Variants in MED15 observed in about 807,000 individuals in gnomAD.
MED15 encodes mediator of RNA polymerase II transcription subunit 15.
A neutral mutation model predicts 118.7 loss-of-function variants in MED15; 41 were observed. The observed-to-expected ratio is 0.35, with a 90% CI of 0.27 to 0.45. The LOEUF is 0.45. MED15 is among the 20% of genes least tolerant of loss of function. The pLI, the probability that MED15 is intolerant of heterozygous loss-of-function variation, is 1.00. For synonymous variants in MED15, 436 were observed against 413.9 expected (o/e 1.05, Z -0.65); for missense variants, 740 against 1,025.5 (o/e 0.72, Z 3.80).
intron 9 of MED15, among the ~76,000 whole-genome samples, chr22:20,581,415 G>C (rs950143079): frequency 6.6e-6 from 1 of 152,190 alleles, no homozygotes; most frequent in Admixed American, 6.5e-5. Flanking sequence ...AAGTGCTTGG[G>C]GGGTGGTGTG....
intron 1 of MED15, among the ~76,000 whole-genome samples, chr22:20,528,060 A>G (rs896240224): frequency 2.6e-5 from 4 of 151,966 alleles, no homozygotes; most frequent in African/African-American, 9.7e-5. Flanking sequence ...CACCTGGCCT[A>G]ATAAATTCTA....
At chr22:20,548,304 G>A (rs1463823291) in intron 2 of MED15, among the ~76,000 whole-genome samples, 8 of 152,084 alleles carry the variant, frequency 5.3e-5, no homozygotes, top group East Asian at 1.9e-4. Context: ...TGGGATTACC[G>A]GCATGCGCCA....
At position 20,580,646 on chromosome 22, in the gene MED15, C is replaced by T. The variant is rs557209934; in HGVS notation, c.1273-1965C>T. Among the ~76,000 whole-genome samples the T allele has an allele frequency of 4.6e-5, 7 of 152,232 alleles. No homozygotes were observed. In the East Asian group the frequency reaches 5.8e-4, roughly 13 times the overall value. On this transcript the variant is annotated intron_variant, in intron 9 of 17. Coordinates refer to ENST00000263205, the MANE Select transcript of MED15 (RefSeq NM_001003891.3). ...GTCTTTGCTTCCCACTCCTCGGTGC[C>T]GTCTGTGGTTCTCTGTATGGAATTT...
intron 17 of MED15, among the ~76,000 whole-genome samples, 177 bp from the exon 18 acceptor site, chr22:20,586,391 C>G (rs1303185903): frequency 1.3e-5 from 2 of 152,234 alleles, no homozygotes; most frequent in Non-Finnish European, 2.9e-5. Context: ...AGATTTGGTT[C>G]TCACTGACGA....
At chr22:20,580,246 C>T (rs1394966425) in intron 9 of MED15, among the ~76,000 whole-genome samples, 4 of 152,122 alleles carry the variant, frequency 2.6e-5, no homozygotes, top group South Asian at 2.1e-4. Flanking sequence ...GTGAGATTGC[C>T]GCTTCAGGGC....
chr22:20,542,506 C>T (rs1384547862), intron 2 of MED15, among the ~76,000 whole-genome samples: 3 of 152,090 alleles, frequency 2.0e-5, no homozygotes, highest in South Asian at 2.1e-4. Flanking sequence ...CCAGAGAATA[C>T]GAAGATCTAT....
At chr22:20,545,727 C>A (rs2055506357) in intron 2 of MED15, among the ~76,000 whole-genome samples, 2 of 152,108 alleles carry the variant, frequency 1.3e-5, no homozygotes, top group African/African-American at 4.8e-5. Context: ...TGCCTTGTCC[C>A]TACTTGGTTT....
intron 2 of MED15, among the ~76,000 whole-genome samples, chr22:20,550,601 C>T (rs1162623655): frequency 6.6e-6 from 1 of 152,242 alleles, no homozygotes; most frequent in East Asian, 1.9e-4. Flanking sequence ...GGGGCTTTGC[C>T]CCTTCCAGGC....
intron 3 of MED15, 89 bp downstream of exon 3, chr22:20,551,576 G>A (rs369714414): frequency 8.5e-5 from 108 of 1,267,738 alleles, no homozygotes; most frequent in African/African-American, 1.3e-4. Context: ...TGGGCAGGCC[G>A]TGGTGCCTGA....
intron 2 of MED15, among the ~76,000 whole-genome samples, chr22:20,546,238 T>C (rs2055530127): frequency 6.6e-6 from 1 of 152,208 alleles, no homozygotes; most frequent in African/African-American, 2.4e-5. Flanking sequence ...TGATTCATCC[T>C]GCCTGCCCCC....
intron 11 of MED15, 25 bp downstream of exon 11, chr22:20,582,992 G>A: frequency 6.2e-7 from 1 of 1,607,442 alleles, no homozygotes. Flanking sequence ...AGGTGCTAAG[G>A]TCACTCCTCA....
chr22:20,535,872 CTTTTTTT>C (rs536712415), intron 1 of MED15, among the ~76,000 whole-genome samples: 55 of 98,692 alleles, frequency 5.6e-4, no homozygotes, highest in East Asian at 9.9e-4. Context: ...TTCTTTCTTT[CTTTTTTT>C]TTTTTTTTTT....
At chr22:20,563,332 G>C (rs2056314499) in intron 5 of MED15, among the ~76,000 whole-genome samples, 1 of 152,170 alleles carries the variant, frequency 6.6e-6, no homozygotes, top group Admixed American at 6.5e-5. Flanking sequence ...ACACTGTGAG[G>C]TGCTTGTACC....
chr22:20,511,545 T>C (rs2054064484), intron 1 of MED15, among the ~76,000 whole-genome samples: 1 of 151,398 alleles, frequency 6.6e-6, no homozygotes, highest in Non-Finnish European at 1.5e-5. Context: ...AAACATTTGA[T>C]GGTTACTTAT....
intron 2 of MED15, among the ~76,000 whole-genome samples, chr22:20,542,130 T>C (rs1246530813): frequency 6.6e-6 from 1 of 152,184 alleles, no homozygotes; most frequent in Non-Finnish European, 1.5e-5. Context: ...CTGGAGAGAA[T>C]GTGAAATGGT....
At chr22:20,573,328 A>T (rs779398946) in intron 8 of MED15, among the ~76,000 whole-genome samples, 3 of 152,212 alleles carry the variant, frequency 2.0e-5, no homozygotes, top group Non-Finnish European at 2.9e-5. Context: ...TTCTTTTAGT[A>T]TGTGAAAACC....
intron 9 of MED15, among the ~76,000 whole-genome samples, chr22:20,579,780 A>T (rs2056924283): frequency 6.6e-6 from 1 of 151,986 alleles, no homozygotes; most frequent in Admixed American, 6.6e-5. Context: ...CATCACTAGG[A>T]TGACCTTGAG....
chr22:20,557,714 G>A (rs2056073641), intron 5 of MED15, among the ~76,000 whole-genome samples: 2 of 152,204 alleles, frequency 1.3e-5, no homozygotes, highest in Admixed American at 1.3e-4. Flanking sequence ...CAGTGGTGAA[G>A]CTTGATATCC....
intron 2 of MED15, among the ~76,000 whole-genome samples, chr22:20,541,042 C>T (rs2055278959): frequency 6.6e-6 from 1 of 152,058 alleles, no homozygotes; most frequent in South Asian, 2.1e-4. Flanking sequence ...TCCTGGCTAA[C>T]ATGGTGAAAC....
Sources: allele counts gnomAD v4.1 joint callset (sites outside exome capture counted in the v4.1 genomes callset), GRCh38; gene constraint gnomAD v4.1.1; transcripts MANE v1.5; gene names NCBI Gene and HGNC (gene_info 2026-07-23, HGNC 2026-07-21).